PLCL1: variants seen among roughly 807,000 people sequenced by gnomAD.
PLCL1 encodes the protein phospholipase C like 1 (inactive).
A neutral mutation model predicts 84.4 loss-of-function variants in PLCL1; 41 were observed. The ratio of observed to expected loss-of-function variants is 0.49; its 90% CI spans 0.38 to 0.63. PLCL1 has a LOEUF of 0.63. PLCL1 is among the 30% of genes least tolerant of loss of function. The pLI is 0.00. For missense variants in PLCL1, 1,206 were observed against 1,367.8 expected (o/e 0.88, Z 1.87); for synonymous variants, 490 against 488.3 (o/e 1.00, Z -0.05).
rs760577848 is a variant in PLCL1, at chr2:197,983,200, C to CTTTTTTTTTTTTTTTTTTTTTTTTTTT, written c.241-100545_241-100519dup. Among the ~76,000 whole-genome samples, 52 of 60,282 alleles carry CTTTTTTTTTTTTTTTTTTTTTTTTTTT rather than the reference C, an allele frequency of 8.6e-4. 5 individuals are homozygous for CTTTTTTTTTTTTTTTTTTTTTTTTTTT. The highest frequency in any genetic ancestry group is 0.012 in the Middle Eastern group (1 of 86). 39.5% of individuals were successfully genotyped at this position (60,282 alleles called of 152,430 possible). ...TTTCTTTTTCTTTTTCTTTTCTTTT[C>CTTTTTTTTTTTTTTTTTTTTTTTTTTT]TTTTTTTTTTTTTTTTTTTTTTTTT... On this transcript the variant is annotated intron_variant, in intron 1 of 5. Transcript: ENST00000428675.
intron 1 of PLCL1, among the ~76,000 whole-genome samples, chr2:198,037,072 G>A (rs1045917044): frequency 6.6e-6 from 1 of 152,138 alleles, no homozygotes. Context: ...CTAGAGTGGA[G>A]AATATCTCTA....
In PLCL1 at chr2:197,871,224, G is replaced by T. The variant is rs1042820233; in HGVS notation, c.240+65885G>T. Among the ~76,000 whole-genome samples the T allele has an allele frequency of 3.3e-5, 5 of 152,052 alleles. No homozygotes were observed. The South Asian group carries it at 1.0e-3, about 32-fold the overall frequency. On this transcript the variant is annotated intron_variant, in intron 1 of 5. Transcript: ENST00000428675. ...AGGGATGTGAGGGGCCTGTACAGTT[G>T]CAGACACATCTGTTTCACCCCAAAC...
At chr2:197,806,727 T>G (rs570202630) in intron 1 of PLCL1, among the ~76,000 whole-genome samples, 2 of 152,170 alleles carry the variant, frequency 1.3e-5, no homozygotes, top group Non-Finnish European at 2.9e-5. Context: ...ACATCACAAT[T>G]AGGAAACACA....
chr2:198,084,453 C>T lies in PLCL1; in HGVS notation c.936C>T (p.Thr312=). ...GTGAAGCTTTTTGTGAACTTTGCAC[C>T]AGGCCAGAAGTGTATTTCTTACTTG... The part of the protein sequence containing the change: ...EFCEAFCELC[T]RPEVYFLLVQ... Residue 312 remains threonine, a synonymous_variant, in exon 2 of 6, where the codon ACC becomes ACT. Transcript: ENST00000428675. 6.2e-7 allele frequency: 1 copy of T among 1,613,954 alleles called. No individual in the cohort carries two copies. The highest frequency in any genetic ancestry group is 8.5e-7 in the Non-Finnish European group (1 of 1,179,848).
At chr2:198,025,589 C>A (rs1383329764) in intron 1 of PLCL1, among the ~76,000 whole-genome samples, 1 of 152,044 alleles carries the variant, frequency 6.6e-6, no homozygotes, top group Non-Finnish European at 1.5e-5. Context: ...GGTTATATGT[C>A]TCTTGGAGAC....
chr2:198,026,135 C>T (rs144912209), intron 1 of PLCL1, among the ~76,000 whole-genome samples: 100 of 152,264 alleles, frequency 6.6e-4, no homozygotes, highest in African/African-American at 2.4e-3. Flanking sequence ...GTCTCATGAA[C>T]TCATGCAATA....
At chr2:197,828,290 C>A (rs1407064701) in intron 1 of PLCL1, among the ~76,000 whole-genome samples, 1 of 152,014 alleles carries the variant, frequency 6.6e-6, no homozygotes, top group African/African-American at 2.4e-5. Context: ...AGTATAAATG[C>A]CACATAGAAA....
At chr2:197,893,281 G>A (rs1196392931) in intron 1 of PLCL1, among the ~76,000 whole-genome samples, 1 of 152,150 alleles carries the variant, frequency 6.6e-6, no homozygotes, top group Non-Finnish European at 1.5e-5. Flanking sequence ...TAGATTCTGT[G>A]TGTTGGCTAG....
chr2:198,086,323 C>A, intron 2 of PLCL1, 91 bp downstream of exon 2: 1 of 925,074 alleles, frequency 1.1e-6, no homozygotes. Context: ...AAAAATTTAT[C>A]AGAAAGATTG....
In PLCL1 at chr2:197,969,579, C is replaced by T. The variant is rs181072689; in HGVS notation, c.241-114179C>T. ...ATCTAGCTATCTACTCTTTTTCTCC[C>T]TTCTTGTTTTTCACATTGCTTGACT... On this transcript the variant is annotated intron_variant, in intron 1 of 5. Transcript: ENST00000428675. Among the ~76,000 whole-genome samples, 340 of 152,202 alleles carry T rather than the reference C, an allele frequency of 2.2e-3. 1 individual carries two copies. Among genetic ancestry groups the T allele is most frequent in the African/African-American group, 7.8e-3 (323 of 41,504 alleles).
chr2:197,982,051 AGTTT>A (rs1418830815), intron 1 of PLCL1, among the ~76,000 whole-genome samples: 1 of 151,854 alleles, frequency 6.6e-6, no homozygotes, highest in Admixed American at 6.6e-5. Flanking sequence ...TAAGTTTAAT[AGTTT>A]AATAGTTTAA....
At chr2:197,900,268 A>G (rs1259418580) in intron 1 of PLCL1, among the ~76,000 whole-genome samples, 1 of 152,196 alleles carries the variant, frequency 6.6e-6, no homozygotes, top group African/African-American at 2.4e-5. Flanking sequence ...CAGCTTACCA[A>G]CTTTACAGAG....
At chr2:198,086,531 G>A (rs1194341337) in intron 2 of PLCL1, among the ~76,000 whole-genome samples, 1 of 152,104 alleles carries the variant, frequency 6.6e-6, no homozygotes, top group Non-Finnish European at 1.5e-5. Flanking sequence ...TGACATGGGA[G>A]GATTACTTGA....
At chr2:197,926,237 C>T (rs144760255) in intron 1 of PLCL1, among the ~76,000 whole-genome samples, 1 of 152,228 alleles carries the variant, frequency 6.6e-6, no homozygotes, top group African/African-American at 2.4e-5. Flanking sequence ...GTCAGAGTTA[C>T]CCTCAGATTT....
At chr2:197,956,588 T>C (rs1689499548) in intron 1 of PLCL1, among the ~76,000 whole-genome samples, 1 of 152,314 alleles carries the variant, frequency 6.6e-6, no homozygotes. Context: ...ATCTGCTGTT[T>C]CCTGACTTTT....
At position 197,910,856 on chromosome 2, in the gene PLCL1, C is replaced by A. The variant is rs890530271; in HGVS notation, c.240+105517C>A. ...TAGTATTTACTTCAAAATAAAATAA[C>A]TTGTGTTTCTATTATTGTTCTATAA... is the stretch of plus-strand genomic sequence containing the variant. On this transcript the variant is annotated intron_variant, in intron 1 of 5. Transcript: ENST00000428675. 4.6e-5 allele frequency among the ~76,000 whole-genome samples: 7 copies of A among 152,160 alleles called. No individual in the cohort carries two copies. In the South Asian group the frequency reaches 1.5e-3, roughly 32 times the overall value.
At chr2:198,131,194 C>G (rs1694111034) in intron 5 of PLCL1, among the ~76,000 whole-genome samples, 1 of 152,268 alleles carries the variant, frequency 6.6e-6, no homozygotes, top group East Asian at 1.9e-4. Context: ...CCCCTGCTCC[C>G]TGGGAGCCCC....
chr2:198,018,564 C>A (rs1003351132), intron 1 of PLCL1, among the ~76,000 whole-genome samples: 2 of 152,202 alleles, frequency 1.3e-5, no homozygotes, highest in Non-Finnish European at 2.9e-5. Context: ...TCTACCATTA[C>A]TGAGGCTTGA....
chr2:197,992,448 A>G (rs1330431783), intron 1 of PLCL1, among the ~76,000 whole-genome samples: 7 of 151,890 alleles, frequency 4.6e-5, no homozygotes, highest in Non-Finnish European at 7.4e-5. Context: ...TGTTTTTTGT[A>G]GAGACAGGGT....
Sources: allele counts gnomAD v4.1 joint callset (sites outside exome capture counted in the v4.1 genomes callset), GRCh38; gene constraint gnomAD v4.1.1; transcripts MANE v1.5; gene names NCBI Gene and HGNC (gene_info 2026-07-23, HGNC 2026-07-21).